MYO15A: variants seen among roughly 807,000 people sequenced by gnomAD.
MYO15A encodes the protein myosin XVA.
Under a neutral mutation model 394.6 loss-of-function variants are expected in MYO15A, and 308 were observed. The ratio of observed to expected loss-of-function variants is 0.78; its 90% CI spans 0.71 to 0.86. The LOEUF (loss-of-function observed/expected upper bound fraction) is 0.86, where lower values mean the gene tolerates loss of function less well. Ranked by LOEUF, MYO15A falls within the 40% of genes least tolerant of loss-of-function variation. MYO15A has a pLI of 0.00. For synonymous variants in MYO15A, 1,957 were observed against 2,003.8 expected (o/e 0.98, Z 0.62); for missense variants, 4,606 against 4,799.1 (o/e 0.96, Z 1.19).
intron 55 of MYO15A, 108 bp from the exon 56 acceptor site, chr17:18,159,827 A>T (rs1489656449): frequency 2.7e-6 from 4 of 1,461,294 alleles, no homozygotes; most frequent in Non-Finnish European, 3.8e-6. Flanking sequence ...GGGGGCTGGG[A>T]AAGGGACACC....
chr17:18,118,882 C>T lies in MYO15A; in HGVS notation c.82C>T (p.Arg28Trp), dbSNP rs775791438. ...GGCACCGGAGCCGGAGAAGCCCAAA[C>T]GGAGCCTGAAGGGGACGTCGCGGCT... ...KKAPEPEKPK[R>W]SLKGTSRLFM... Residue 28 changes from arginine (R) to tryptophan (W), a missense_variant, in exon 2 of 66, where the codon CGG becomes TGG. Around this residue, in one of 2 missense-constraint regions of MYO15A, gnomAD observed 1,830 missense variants for 1,689.7 expected, o/e 1.08. Coordinates refer to ENST00000647165, the MANE Select transcript of MYO15A (RefSeq NM_016239.4). The T allele has an allele frequency of 2.5e-6, 4 of 1,613,644 alleles. No individual in the cohort carries two copies. Among genetic ancestry groups the T allele is most frequent in the Non-Finnish European group, 3.4e-6 (4 of 1,179,910 alleles).
At chr17:18,145,828 G>T (rs1487626667) in intron 29 of MYO15A, 44 bp from the exon 30 acceptor site, 3 of 1,598,348 alleles carry the variant, frequency 1.9e-6, no homozygotes, top group South Asian at 1.1e-5. Flanking sequence ...GGACTGGAAG[G>T]AACAACTTTC....
intron 15 of MYO15A, among the ~76,000 whole-genome samples, chr17:18,137,234 A>C (rs1279652192): frequency 1.8e-4 from 27 of 152,154 alleles, no homozygotes; most frequent in Admixed American, 1.8e-3. Context: ...TTGTTAATTC[A>C]CTTCATCCTT....
rs765396397 is a variant in MYO15A at position 18,122,095 on chromosome 17, C to T, written c.3295C>T (p.Pro1099Ser). ...APLAPIRAPEPLPKGGERRQA... is the reference protein window; with the variant it reads ...APLAPIRAPESLPKGGERRQA... Reference sequence around the variant, plus strand: ...CTTGGCGCCCATCAGGGCCCCAGAGCCCCTGCCCAAGGGGGGTGAACGGCG... The same window carrying T: ...CTTGGCGCCCATCAGGGCCCCAGAGTCCCTGCCCAAGGGGGGTGAACGGCG... Residue 1099 changes from proline to serine, a missense_variant, in exon 2 of 66, where the codon CCC (proline) becomes TCC (serine). Around this residue, in one of 2 missense-constraint regions of MYO15A, gnomAD observed 1,830 missense variants for 1,689.7 expected, o/e 1.08. Transcript: ENST00000647165. 2 of 1,612,860 alleles carry T rather than the reference C, an allele frequency of 1.2e-6. No individual in the cohort carries two copies. Among genetic ancestry groups the T allele is most frequent in the South Asian group, 1.1e-5 (1 of 91,082 alleles).
At chr17:18,158,269 TG>T (rs1489284736) in intron 51 of MYO15A, 4 of 590,690 alleles carry the variant, frequency 6.8e-6, no homozygotes, top group African/African-American at 5.6e-5. Flanking sequence ...AGCTGTGACG[TG>T]GCAGTTGCGG....
Position 18,154,088 on chromosome 17 carries a change from A to G in MYO15A, c.8089-43A>G, listed in dbSNP as rs1567655089. 3.1e-6 allele frequency: 5 copies of G among 1,612,220 alleles called. No individual in the cohort carries two copies. In the South Asian group the frequency reaches 3.3e-5, roughly 11 times the overall value. ...GCGGGGCCGGGTGTGAAGCAAGGCCAGGGGGCAGTCGGACAGTACCCACTG... is the reference window on the plus strand; with the variant it reads ...GCGGGGCCGGGTGTGAAGCAAGGCCGGGGGGCAGTCGGACAGTACCCACTG... On this transcript the variant is annotated intron_variant, in intron 43 of 65. Coordinates refer to ENST00000647165, the MANE Select transcript of MYO15A (RefSeq NM_016239.4).
intron 50 of MYO15A, 166 bp downstream of exon 50, chr17:18,157,396 C>A: frequency 9.5e-7 from 1 of 1,052,984 alleles, no homozygotes; most frequent in Non-Finnish European, 1.4e-6. Flanking sequence ...GGCCAGACAG[C>A]CCAGCCCTCT....
intron 10 of MYO15A, 22 bp downstream of exon 10, chr17:18,131,553 C>T: frequency 6.2e-7 from 1 of 1,613,770 alleles, no homozygotes; most frequent in Non-Finnish European, 8.5e-7. Flanking sequence ...CCTCCCAGGC[C>T]TCTGTGTTGG....
intron 1 of MYO15A, chr17:18,109,179 G>A (rs1480087808): frequency 6.6e-6 from 1 of 152,394 alleles, no homozygotes; most frequent in African/African-American, 2.4e-5. Flanking sequence ...GTGAGGTAGG[G>A]AAGGCCTTGA....
chr17:18,167,900 C>T (rs2046877750), intron 62 of MYO15A, among the ~76,000 whole-genome samples, 177 bp downstream of exon 62: 1 of 152,234 alleles, frequency 6.6e-6, no homozygotes, highest in African/African-American at 2.4e-5. Flanking sequence ...CAACTAGCCA[C>T]AGGAGCTGGG....
chr17:18,144,091 C>A, intron 28 of MYO15A, 91 bp downstream of exon 28: 2 of 1,576,382 alleles, frequency 1.3e-6, no homozygotes, highest in Non-Finnish European at 1.7e-6. Flanking sequence ...AGGCTCCTGG[C>A]TGTGCCCTGT....
chr17:18,139,674 C>T, intron 19 of MYO15A, 63 bp downstream of exon 19: 1 of 1,577,416 alleles, frequency 6.3e-7, no homozygotes, highest in Non-Finnish European at 8.7e-7. Flanking sequence ...CCACACCCAG[C>T]CTGCCTTCAG....
rs1263508043 is a variant in MYO15A, at chr17:18,145,959, C to T, written c.6361C>T (p.Pro2121Ser). 6.2e-7 allele frequency: 1 copy of T among 1,613,616 alleles called. No individual in the cohort carries two copies. Among genetic ancestry groups the T allele is most frequent in the Non-Finnish European group, 8.5e-7 (1 of 1,180,022 alleles). ...NYIVQKGLAV[P>S]ELRDEILAQL... Reference sequence around the variant, plus strand: ...CATCGTGCAGAAGGGGCTGGCGGTGCCTGAGCTGCGGGATGAGATCCTGGC... The same window carrying T: ...CATCGTGCAGAAGGGGCTGGCGGTGTCTGAGCTGCGGGATGAGATCCTGGC... The change falls in exon 30 of 66, where the codon CCT becomes TCT. Residue 2121 changes from proline (P) to serine (S), a missense_variant. Transcript: ENST00000647165.
Position 18,150,339 on chromosome 17 carries a change from TG to T in MYO15A, c.7213-86del. The T allele has an allele frequency of 1.7e-6, 2 of 1,167,362 alleles. No homozygotes were observed. The highest frequency in any genetic ancestry group is 2.6e-6 in the Non-Finnish European group (2 of 783,930). The allele number at this position is 1,167,362 out of a possible 1,614,324, so 72.3% of individuals were successfully genotyped here. ...GAGGCTGCCCCCTCCCACGAGAGGG[TG>T]GGGAAGAGGCCAGTGTCAGGTGCCT... On this transcript the variant is annotated intron_variant, in intron 35 of 65. Coordinates refer to ENST00000647165, the MANE Select transcript of MYO15A (RefSeq NM_016239.4). The surrounding 1 kb of genome is among the most constrained non-coding windows in gnomAD (Gnocchi z 4.4).
intron 25 of MYO15A, among the ~76,000 whole-genome samples, chr17:18,143,352 G>T (rs2046415645): frequency 6.6e-6 from 1 of 152,150 alleles, no homozygotes; most frequent in South Asian, 2.1e-4. Context: ...GCTTGCCTCT[G>T]TTTCTCTCTT....
chr17:18,141,845 C>T lies in MYO15A; in HGVS notation c.5649+75C>T. ...TCCACAACTACTGAGTCAGAAATGT[C>T]CAAGCTAGAGACTGCCATCCCAGGA... On this transcript the variant is annotated intron_variant, in intron 23 of 65. Transcript: ENST00000647165. The T allele has an allele frequency of 2.7e-6, 4 of 1,499,736 alleles. No homozygotes were observed. The South Asian group carries it at 4.5e-5, about 17-fold the overall frequency. 92.9% of individuals were successfully genotyped at this position (1,499,736 alleles called of 1,614,324 possible). A position where few individuals can be genotyped will look rare whatever the true frequency, so the allele number is the denominator to read the frequency against.
intron 4 of MYO15A, 194 bp downstream of exon 4, chr17:18,125,425 G>C: frequency 1.6e-6 from 1 of 622,354 alleles, no homozygotes; most frequent in Non-Finnish European, 2.9e-6. Flanking sequence ...GCCGGGCACA[G>C]TGGCTCACCC....
intron 51 of MYO15A, 161 bp from the exon 52 acceptor site, chr17:18,158,362 A>C (rs553429055): frequency 6.6e-4 from 332 of 506,476 alleles, no homozygotes; most frequent in Admixed American, 7.5e-4. Context: ...GGCGGGCTGA[A>C]GGGGTAAGAA....
chr17:18,139,612 GT>G lies in MYO15A; in HGVS notation c.5211+2del. ...CCTGTTCGTACGGAGCCGGACACGG[GT>G]AAGCCTCGCCTCCCACCGCTCTGGC... On this transcript the variant is annotated splice_donor_variant, in intron 19 of 65. Coordinates refer to ENST00000647165, the MANE Select transcript of MYO15A (RefSeq NM_016239.4). LOFTEE classifies it high-confidence loss of function. 6.2e-7 allele frequency: 1 copy of G among 1,613,812 alleles called. No individual in the cohort carries two copies. Among genetic ancestry groups the G allele is most frequent in the Non-Finnish European group, 8.5e-7 (1 of 1,179,940 alleles).
Sources: gnomAD v4.1 joint callset for allele counts (sites outside exome capture counted in the v4.1 genomes callset) on GRCh38, gnomAD v4.1.1 for gene constraint, gnomAD v4.1.1 regional missense constraint, Gnocchi (gnomAD v3.1) non-coding constraint, MANE v1.5 for transcripts, NCBI Gene and HGNC (gene_info 2026-07-23, HGNC 2026-07-21) for gene names.